CARMIL1: variants seen among roughly 807,000 people sequenced by gnomAD.
CARMIL1 encodes the protein F-actin-uncapping protein LRRC16A.
CARMIL1 carries 90 observed loss-of-function variants against 177.1 expected under a neutral mutation model. The observed-to-expected ratio is 0.51, with a 90% confidence interval of 0.43 to 0.61. CARMIL1 has a LOEUF of 0.61. Among genes scored for constraint, CARMIL1 ranks in the 20% least tolerant of loss-of-function variants. CARMIL1 has a pLI of 0.00. For missense variants in CARMIL1, 1,380 were observed against 1,667.0 expected (o/e 0.83, Z 3.00); for synonymous variants, 577 against 606.2 (o/e 0.95, Z 0.71).
chr6:25,564,173 C>T (rs968343762), intron 29 of CARMIL1, among the ~76,000 whole-genome samples: 34 of 152,164 alleles, frequency 2.2e-4, no homozygotes, highest in African/African-American at 7.7e-4. Context: ...AAACTTTCAT[C>T]TATAATAACT....
chr6:25,447,562 C>T (rs1276396091), intron 5 of CARMIL1, among the ~76,000 whole-genome samples: 1 of 152,094 alleles, frequency 6.6e-6, no homozygotes, highest in African/African-American at 2.4e-5. Context: ...TATTTCACCA[C>T]CTCTCACCCA....
chr6:25,366,439 G>T (rs1220271754), intron 2 of CARMIL1, among the ~76,000 whole-genome samples: 1 of 151,706 alleles, frequency 6.6e-6, no homozygotes, highest in Non-Finnish European at 1.5e-5. Flanking sequence ...ATTTAAAATT[G>T]TAACACCTCA....
chr6:25,499,748 G>A lies in CARMIL1; in HGVS notation c.1326-418G>A, dbSNP rs16890663. Among the ~76,000 whole-genome samples, 1,262 of 152,214 alleles carry A rather than the reference G, an allele frequency of 8.3e-3. 30 individuals carry two copies. In the East Asian group the frequency reaches 0.087, roughly 10 times the overall value. Reference sequence around the variant, plus strand: ...CTTCCTCACTTACATATTCCTTAGGGAAAACTAGCTTTACTTTGCGACTCT... The same window carrying A: ...CTTCCTCACTTACATATTCCTTAGGAAAAACTAGCTTTACTTTGCGACTCT... On this transcript the variant is annotated intron_variant, in intron 16 of 36. Coordinates refer to ENST00000329474, the MANE Select transcript of CARMIL1 (RefSeq NM_017640.6).
At chr6:25,609,082 G>T (rs1816264666) in intron 35 of CARMIL1, among the ~76,000 whole-genome samples, 1 of 152,078 alleles carries the variant, frequency 6.6e-6, no homozygotes, top group Non-Finnish European at 1.5e-5. Context: ...ATCCTGGGCT[G>T]CATGCTTGTC....
intron 33 of CARMIL1, among the ~76,000 whole-genome samples, chr6:25,604,018 C>A (rs1473513702): frequency 6.6e-6 from 1 of 152,088 alleles, no homozygotes; most frequent in Non-Finnish European, 1.5e-5. Flanking sequence ...ATTTCAGGAC[C>A]CCTTTCACCT....
chr6:25,578,479 A>C (rs1812803007), intron 29 of CARMIL1, among the ~76,000 whole-genome samples: 1 of 152,172 alleles, frequency 6.6e-6, no homozygotes, highest in South Asian at 2.1e-4. Flanking sequence ...CTCTTGCTTT[A>C]GGTTTATATG....
intron 2 of CARMIL1, among the ~76,000 whole-genome samples, chr6:25,392,731 A>G (rs16890520): frequency 0.038 from 5,792 of 152,298 alleles, 130 homozygotes; most frequent in South Asian, 0.08. Flanking sequence ...TAGGAAATAT[A>G]TTGATTTAGT....
At chr6:25,447,747 CT>C (rs1225481111) in intron 5 of CARMIL1, among the ~76,000 whole-genome samples, 1 of 152,022 alleles carries the variant, frequency 6.6e-6, no homozygotes, top group Admixed American at 6.6e-5. Context: ...CAGCCTTTCA[CT>C]TCCTCTCCCC....
chr6:25,525,431 CA>C (rs1562249228), intron 23 of CARMIL1, among the ~76,000 whole-genome samples: 1 of 151,890 alleles, frequency 6.6e-6, no homozygotes, highest in Middle Eastern at 3.2e-3. Context: ...CTAGGATAAA[CA>C]AAAACTGAGG....
chr6:25,460,442 C>G (rs934667579), intron 8 of CARMIL1, among the ~76,000 whole-genome samples: 1 of 152,226 alleles, frequency 6.6e-6, no homozygotes, highest in African/African-American at 2.4e-5. Flanking sequence ...CTCCCTGATC[C>G]TTGGTCTTCA....
At chr6:25,280,496 A>T (rs1780997503) in intron 1 of CARMIL1, among the ~76,000 whole-genome samples, 1 of 151,640 alleles carries the variant, frequency 6.6e-6, no homozygotes. Context: ...TTTAATAATG[A>T]TTAACCTACC....
chr6:25,409,201 A>G (rs1235481688), intron 2 of CARMIL1, among the ~76,000 whole-genome samples: 1 of 152,152 alleles, frequency 6.6e-6, no homozygotes, highest in Non-Finnish European at 1.5e-5. Flanking sequence ...CATGCTGAAG[A>G]TGATGTGTTA....
intron 2 of CARMIL1, among the ~76,000 whole-genome samples, chr6:25,305,080 A>G (rs1298600143): frequency 6.6e-6 from 1 of 152,198 alleles, no homozygotes; most frequent in Non-Finnish European, 1.5e-5. Context: ...TCTGAATATA[A>G]CTGTGAGAAG....
At chr6:25,589,541 G>A (rs2151280361) in intron 31 of CARMIL1, among the ~76,000 whole-genome samples, 1 of 152,232 alleles carries the variant, frequency 6.6e-6, no homozygotes, top group East Asian at 1.9e-4. Context: ...AGGCTGGAGA[G>A]CAGTGGTGCG....
chr6:25,517,969 G>C (rs301373), intron 22 of CARMIL1, among the ~76,000 whole-genome samples: 65,782 of 152,052 alleles, frequency 0.43, 14,628 homozygotes, highest in Middle Eastern at 0.51. Context: ...GAAAATAATA[G>C]TAGACATAGT....
intron 2 of CARMIL1, among the ~76,000 whole-genome samples, chr6:25,394,954 G>A (rs951731120): frequency 6.6e-6 from 1 of 152,124 alleles, no homozygotes; most frequent in Non-Finnish European, 1.5e-5. Flanking sequence ...AATATATTCC[G>A]ATTAATGGTA....
In CARMIL1 at chr6:25,553,231, G is replaced by C. The variant is rs3804132; in HGVS notation, c.2505-778G>C. 2.6e-4 allele frequency among the ~76,000 whole-genome samples: 40 copies of C among 152,236 alleles called. No individual in the cohort carries two copies. In the East Asian group the frequency reaches 6.2e-3, roughly 23 times the overall value. On this transcript the variant is annotated intron_variant, in intron 27 of 36. Transcript: ENST00000329474. ...TTCTCTCACGTATTTACCTTTAAATGTATTGTGCTTAATGTACATTTGTAC... is the reference window on the plus strand; with the variant it reads ...TTCTCTCACGTATTTACCTTTAAATCTATTGTGCTTAATGTACATTTGTAC...
At chr6:25,389,221 A>C (rs77155637) in intron 2 of CARMIL1, 1 of 152,324 alleles carries the variant, frequency 6.6e-6, no homozygotes, top group South Asian at 2.1e-4. Flanking sequence ...GAGGACTTCT[A>C]TTTCTTAATT....
chr6:25,450,962 C>CTCTCT (rs1798822217), intron 8 of CARMIL1, among the ~76,000 whole-genome samples: 1 of 14,276 alleles, frequency 7.0e-5, no homozygotes, highest in African/African-American at 2.9e-4. Flanking sequence ...CTCTCCTCTC[C>CTCTCT]TCTCTTCTCT....
Sources: allele counts gnomAD v4.1 joint callset (sites outside exome capture counted in the v4.1 genomes callset), GRCh38; gene constraint gnomAD v4.1.1; transcripts MANE v1.5; gene names NCBI Gene and HGNC (gene_info 2026-07-23, HGNC 2026-07-21).